Variants in BEND5 observed in about 807,000 individuals in gnomAD.
BEND5 encodes BEN domain-containing protein 5.
A neutral mutation model predicts 43.9 loss-of-function variants in BEND5; 22 were observed. The observed-to-expected ratio is 0.50, with a 90% confidence interval of 0.36 to 0.72. BEND5 has a LOEUF of 0.72. Ranked by LOEUF, BEND5 falls within the 30% of genes least tolerant of loss-of-function variation. BEND5 has a pLI of 0.00. For missense variants in BEND5, 428 were observed against 550.6 expected (o/e 0.78, Z 2.23); for synonymous variants, 228 against 225.9 (o/e 1.01, Z -0.08).
chr1:48,760,543 C>T (rs76860452), intron 2 of BEND5, among the ~76,000 whole-genome samples: 3,929 of 152,236 alleles, frequency 0.026, 142 homozygotes, highest in African/African-American at 0.09. Context: ...AATATGTCTG[C>T]GTCACTATAA....
chr1:48,773,988 C>A (rs559521132), intron 1 of BEND5, among the ~76,000 whole-genome samples: 1 of 152,244 alleles, frequency 6.6e-6, no homozygotes, highest in Non-Finnish European at 1.5e-5. Context: ...TGTAAAGTCC[C>A]ACAGCAGTCG....
intron 5 of BEND5, among the ~76,000 whole-genome samples, chr1:48,730,585 G>A (rs948835698): frequency 3.3e-5 from 5 of 152,158 alleles, no homozygotes; most frequent in African/African-American, 7.2e-5. Context: ...GGAGAAAGGT[G>A]CAAATGGAGG....
At chr1:48,767,892 A>C (rs1487422176) in intron 1 of BEND5, among the ~76,000 whole-genome samples, 1 of 152,178 alleles carries the variant, frequency 6.6e-6, no homozygotes, top group East Asian at 1.9e-4. Flanking sequence ...AGCTAATTAC[A>C]TTCATCCATT....
chr1:48,754,824 TG>T lies in BEND5; in HGVS notation c.745+4075del, dbSNP rs978150636. Among the ~76,000 whole-genome samples the T allele has an allele frequency of 2.6e-5, 4 of 152,028 alleles. No homozygotes were observed. The South Asian group carries it at 8.3e-4, about 32-fold the overall frequency. ...GGGGATGGAGGAGACACCCCCATGT[TG>T]GGAAAAATGAAGTCTAAGAGCTAAA... On this transcript the variant is annotated intron_variant, in intron 3 of 5. Coordinates refer to ENST00000371833, the MANE Select transcript of BEND5 (RefSeq NM_024603.4).
In BEND5 at chr1:48,773,249, TA is replaced by T. The variant is rs559147352; in HGVS notation, c.226+3356del. ...CACAGAGAAACCAGTTTGAGCCTCC[TA>T]AAAAAAAAATAAAATTCAACACTAT... On this transcript the variant is annotated intron_variant, in intron 1 of 5. Transcript: ENST00000371833. Among the ~76,000 whole-genome samples, 1,352 of 148,536 alleles carry T rather than the reference TA, an allele frequency of 9.1e-3. 26 individuals carry two copies. The highest frequency in any genetic ancestry group is 0.031 in the African/African-American group (1,269 of 40,570).
intron 1 of BEND5, among the ~76,000 whole-genome samples, chr1:48,768,206 A>C (rs1170883738): frequency 6.6e-6 from 1 of 152,088 alleles, no homozygotes; most frequent in East Asian, 1.9e-4. Flanking sequence ...TAACTTCCTA[A>C]AGTGCCTGCC....
At chr1:48,740,854 C>T (rs1048241511) in intron 4 of BEND5, among the ~76,000 whole-genome samples, 2 of 152,138 alleles carry the variant, frequency 1.3e-5, no homozygotes, top group African/African-American at 4.8e-5. Flanking sequence ...CCAGTGCGTC[C>T]ACTTCCTTTC....
Position 48,742,652 on chromosome 1 carries a change from T to C in BEND5, c.865A>G (p.Met289Val), listed in dbSNP as rs756160114. ...CCATTGTCTAGGATATACTTGTCCA[T>C]GACAGGCGCAGGAGCGGGGTAATAG... ...SSYYPAPAPV[M>V]DKYILDNGKV... is the part of the protein sequence containing the mutation. Residue 289 changes from methionine (M) to valine (V), a missense_variant, in exon 4 of 6, where the codon ATG becomes GTG. By Grantham distance (21) the Met-to-Val change is conservative (BLOSUM62 1). This residue lies in a region of BEND5 where 243 missense variants were observed against 286.4 expected (regional missense o/e 0.85). Coordinates refer to ENST00000371833, the MANE Select transcript of BEND5 (RefSeq NM_024603.4). The C allele has an allele frequency of 6.2e-7, 1 of 1,605,266 alleles. No homozygotes were observed. The highest frequency in any genetic ancestry group is 8.5e-7 in the Non-Finnish European group (1 of 1,175,500).
At chr1:48,751,626 C>T (rs1311478640) in intron 3 of BEND5, among the ~76,000 whole-genome samples, 1 of 152,248 alleles carries the variant, frequency 6.6e-6, no homozygotes, top group African/African-American at 2.4e-5. Flanking sequence ...TTCCCACCTC[C>T]ATTTCCTGCC....
chr1:48,728,388 T>C (rs1647531962), intron 5 of BEND5, among the ~76,000 whole-genome samples: 1 of 152,148 alleles, frequency 6.6e-6, no homozygotes, highest in East Asian at 1.9e-4. Flanking sequence ...TTTTTTTCTT[T>C]TAGTGTTAAC....
chr1:48,766,849 C>A (rs1644556325), intron 1 of BEND5, among the ~76,000 whole-genome samples: 1 of 152,196 alleles, frequency 6.6e-6, no homozygotes, highest in Non-Finnish European at 1.5e-5. Context: ...AGGCAGTGAA[C>A]ATTTACTGTT....
intron 1 of BEND5, among the ~76,000 whole-genome samples, chr1:48,768,813 A>G (rs1283485587): frequency 6.6e-6 from 1 of 152,226 alleles, no homozygotes; most frequent in East Asian, 1.9e-4. Context: ...CTATACAAAA[A>G]TCCTGTGCAG....
intron 3 of BEND5, among the ~76,000 whole-genome samples, chr1:48,750,759 C>G (rs1651594784): frequency 6.6e-6 from 1 of 152,194 alleles, no homozygotes; most frequent in Admixed American, 6.5e-5. Flanking sequence ...AGCTTCTTGT[C>G]TCTAGTGGAA....
chr1:48,767,975 A>G (rs1158639688), intron 1 of BEND5, among the ~76,000 whole-genome samples: 3 of 152,202 alleles, frequency 2.0e-5, no homozygotes, highest in African/African-American at 7.2e-5. Flanking sequence ...ACTATATTTA[A>G]TCCCTACAAT....
At chr1:48,770,222 CCATT>C (rs1644745023) in intron 1 of BEND5, among the ~76,000 whole-genome samples, 1 of 152,168 alleles carries the variant, frequency 6.6e-6, no homozygotes, top group Non-Finnish European at 1.5e-5. Context: ...AAATATCATC[CCATT>C]CAAATCTTTT....
chr1:48,734,088 C>A (rs1648615135), intron 5 of BEND5, among the ~76,000 whole-genome samples: 1 of 152,216 alleles, frequency 6.6e-6, no homozygotes, highest in Non-Finnish European at 1.5e-5. Flanking sequence ...TGGCCTTTTT[C>A]TCAGGGTGAC....
chr1:48,736,318 G>A lies in BEND5; in HGVS notation c.1029C>T (p.Val343=). 6.2e-7 allele frequency: 1 copy of A among 1,614,104 alleles called. No individual in the cohort carries two copies. Among genetic ancestry groups the A allele is most frequent in the Middle Eastern group, 1.6e-4 (1 of 6,062 alleles). ...WGTDVLKNRS[V]TGVATKKKKD... ...TCTTTTTTTTTGTGGCGACGCCTGT[G>A]ACGCTTCTGTTTTTCAGAACATCTG... The change falls in exon 5 of 6, where the codon GTC becomes GTT. Residue 343 remains valine (V), a synonymous_variant. Coordinates refer to ENST00000371833, the MANE Select transcript of BEND5 (RefSeq NM_024603.4). The surrounding 1 kb of genome is among the most constrained non-coding windows in gnomAD (Gnocchi z 4.0).
chr1:48,763,416 A>C (rs187409777), intron 1 of BEND5, among the ~76,000 whole-genome samples: 282 of 152,304 alleles, frequency 1.9e-3, no homozygotes, highest in Non-Finnish European at 3.2e-3. Flanking sequence ...GGCTGCTAAA[A>C]TGTAAAATCT....
At chr1:48,742,863 C>T in intron 3 of BEND5, 92 bp from the exon 4 acceptor site, 1 of 1,306,152 alleles carries the variant, frequency 7.7e-7, no homozygotes, top group South Asian at 1.9e-5. Flanking sequence ...CACCATGGCA[C>T]AAAAAATTTG....
Sources: allele counts gnomAD v4.1 joint callset (sites outside exome capture counted in the v4.1 genomes callset), GRCh38; gene constraint gnomAD v4.1.1; regional missense constraint gnomAD v4.1.1; non-coding constraint Gnocchi (gnomAD v3.1); transcripts MANE v1.5; gene names NCBI Gene and HGNC (gene_info 2026-07-23, HGNC 2026-07-21).